PYGB: variants seen among roughly 807,000 people sequenced by gnomAD.
PYGB encodes the protein glycogen phosphorylase, brain form.
A neutral mutation model predicts 94.3 loss-of-function variants in PYGB; 82 were observed. That is an observed-to-expected ratio of 0.87 (90% CI 0.73 to 1.04). The LOEUF (loss-of-function observed/expected upper bound fraction) is 1.04. PYGB is among the 50% of genes least tolerant of loss of function. The pLI is 0.00. For missense variants in PYGB, 1,132 were observed against 1,158.2 expected (o/e 0.98, Z 0.33); for synonymous variants, 488 against 479.1 (o/e 1.02, Z -0.24).
Position 25,289,771 on chromosome 20 carries a change from A to C in PYGB, c.1828-710A>C, listed in dbSNP as rs2088449069. ...TTTCACAGTAAACTGCAGACACTCT[A>C]GCTCTTCACTCTTACATACGTCAGC... On this transcript the variant is annotated intron_variant, in intron 15 of 19. Transcript: ENST00000216962. 3 of 525,486 alleles carry C rather than the reference A, an allele frequency of 5.7e-6. No homozygotes were observed. In the African/African-American group the frequency reaches 5.8e-5, roughly 10 times the overall value. The allele number at this position is 525,486 out of a possible 1,614,324, so 32.6% of individuals were successfully genotyped here. A position where few individuals can be genotyped will look rare whatever the true frequency, so the allele number is the denominator to read the frequency against.
At chr20:25,273,398 C>T (rs550545550) in intron 4 of PYGB, among the ~76,000 whole-genome samples, 10 of 152,264 alleles carry the variant, frequency 6.6e-5, no homozygotes, top group Admixed American at 2.6e-4. Flanking sequence ...CGGAAGAGCA[C>T]AGCCCAGACA....
intron 15 of PYGB, among the ~76,000 whole-genome samples, chr20:25,289,160 T>C (rs1382688658): frequency 6.6e-6 from 1 of 152,078 alleles, no homozygotes; most frequent in Non-Finnish European, 1.5e-5. Flanking sequence ...CTTCAGCGAG[T>C]GGGAAGCTGG....
In PYGB at chr20:25,296,496, C is replaced by T. The variant is rs1442299541; in HGVS notation, c.2506C>T (p.Pro836Ser). The T allele has an allele frequency of 1.9e-6, 3 of 1,613,644 alleles. No homozygotes were observed. The highest frequency in any genetic ancestry group is 2.2e-5 in the South Asian group (2 of 91,060). The change falls in exon 20 of 20, where the codon CCG becomes TCG. Residue 836 changes from proline (P) to serine (S), a missense_variant. Pro to Ser is a moderately conservative substitution (Grantham distance 74, BLOSUM62 -1). Coordinates refer to ENST00000216962, the MANE Select transcript of PYGB (RefSeq NM_002862.4). ...WGVEPSDLQI[P>S]PPNIPRD ...TGTGGAGCCCTCCGACCTGCAGATCCCGCCCCCCAACATCCCCCGGGACTA... is the reference window on the plus strand; with the variant it reads ...TGTGGAGCCCTCCGACCTGCAGATCTCGCCCCCCAACATCCCCCGGGACTA...
chr20:25,281,691 A>G (rs1438930195), intron 11 of PYGB, among the ~76,000 whole-genome samples: 1 of 152,080 alleles, frequency 6.6e-6, no homozygotes, highest in Non-Finnish European at 1.5e-5. Flanking sequence ...GAGGAAACCG[A>G]GCGCAGCTTC....
At position 25,292,423 on chromosome 20, in the gene PYGB, C is replaced by G. The variant is rs199748264; in HGVS notation, c.1987C>G (p.Leu663Val). Reference protein sequence around the residue: ...LAEKVIPAADLSQQISTAGTE... With the variant: ...LAEKVIPAADVSQQISTAGTE... ...CTCCACAGTGATCCCGGCCGCTGAT[C>G]TGTCGCAGCAGATCTCCACTGCAGG... The change falls in exon 17 of 20, where the codon CTG becomes GTG. Residue 663 changes from leucine (L) to valine (V), a missense_variant. Physicochemically the swap from Leu to Val is conservative, Grantham distance 32 (BLOSUM62 1). Transcript: ENST00000216962. The G allele has an allele frequency of 1.2e-5, 20 of 1,613,090 alleles. No homozygotes were observed. Among genetic ancestry groups the G allele is most frequent in the South Asian group, 5.5e-5 (5 of 91,086 alleles).
chr20:25,274,740 G>T lies in PYGB; in HGVS notation c.660+17G>T, dbSNP rs377754783. 6.2e-7 allele frequency: 1 copy of T among 1,609,320 alleles called. No individual in the cohort carries two copies. The highest frequency in any genetic ancestry group is 8.5e-7 in the Non-Finnish European group (1 of 1,178,766). ...GACACACAGGTACCTGGGCTGAAAT[G>T]TCTGCGGGCAAGGCTGGAGCCAGGT... On this transcript the variant is annotated intron_variant, in intron 5 of 19. Transcript: ENST00000216962.
At chr20:25,290,920 C>T (rs944515926) in intron 16 of PYGB, among the ~76,000 whole-genome samples, 1 of 152,074 alleles carries the variant, frequency 6.6e-6, no homozygotes, top group African/African-American at 2.4e-5. Flanking sequence ...CCTGCCCTCT[C>T]CTCCTGCCCC....
intron 16 of PYGB, among the ~76,000 whole-genome samples, chr20:25,290,851 C>A (rs1475330110): frequency 1.3e-5 from 2 of 152,168 alleles, no homozygotes; most frequent in Admixed American, 1.3e-4. Flanking sequence ...CAGTGTCATC[C>A]CCCAACAGGG....
intron 2 of PYGB, among the ~76,000 whole-genome samples, chr20:25,261,459 C>CCACA (rs1221307475): frequency 2.3e-4 from 35 of 152,198 alleles, no homozygotes; most frequent in Admixed American, 9.8e-4. Context: ...GAAAGGACAT[C>CCACA]CACACCAAAA....
chr20:25,268,855 T>G (rs769710427), intron 2 of PYGB, among the ~76,000 whole-genome samples: 5 of 152,248 alleles, frequency 3.3e-5, no homozygotes, highest in Non-Finnish European at 7.3e-5. Context: ...AATTAGAGAA[T>G]GACAGAACCA....
chr20:25,248,319 C>G lies in PYGB; in HGVS notation c.141C>G (p.Ala47=), dbSNP rs938483158. The change falls in exon 1 of 20, where the codon GCC becomes GCG. Residue 47 remains alanine (A), a synonymous_variant. Coordinates refer to ENST00000216962, the MANE Select transcript of PYGB (RefSeq NM_002862.4). The part of the protein sequence containing the change: ...HFTLVKDRNV[A]TPRDYFFALA... ...CGCTGGTCAAGGACCGCAATGTGGC[C>G]ACGCCCCGCGACTACTTCTTCGCGC... 4 of 1,604,466 alleles carry G rather than the reference C, an allele frequency of 2.5e-6. No homozygotes were observed. The highest frequency in any genetic ancestry group is 2.3e-5 in the East Asian group (1 of 44,090).
intron 5 of PYGB, among the ~76,000 whole-genome samples, chr20:25,275,337 G>A (rs769720482): frequency 1.2e-4 from 18 of 152,370 alleles, no homozygotes; most frequent in East Asian, 1.9e-4. Context: ...CAGAGGCCAC[G>A]TGAGGGAGCA....
chr20:25,279,041 C>G lies in PYGB; in HGVS notation c.1000-16C>G, dbSNP rs201812084. Reference sequence around the variant, plus strand: ...GGGATGAAATGACTGAATGGCACCCCTTGTGCGACCTTCAGGTGGCCATCC... The same window carrying G: ...GGGATGAAATGACTGAATGGCACCCGTTGTGCGACCTTCAGGTGGCCATCC... On this transcript the variant is annotated splice_polypyrimidine_tract_variant and intron_variant, in intron 8 of 19. Coordinates refer to ENST00000216962, the MANE Select transcript of PYGB (RefSeq NM_002862.4). The G allele has an allele frequency of 1.0e-5, 16 of 1,604,666 alleles. No homozygotes were observed. Among genetic ancestry groups the G allele is most frequent in the African/African-American group, 2.7e-5 (2 of 74,770 alleles).
intron 2 of PYGB, among the ~76,000 whole-genome samples, chr20:25,260,362 T>C (rs561346815): frequency 4.6e-5 from 7 of 152,392 alleles, no homozygotes; most frequent in African/African-American, 1.7e-4. Context: ...TTCTTACATA[T>C]AGTAAAAATT....
rs201189561 is a variant in PYGB, at chr20:25,248,115, C to T, written c.-64C>T. 23 of 1,475,702 alleles carry T rather than the reference C, an allele frequency of 1.6e-5. No individual in the cohort carries two copies. Among genetic ancestry groups the T allele is most frequent in the African/African-American group, 6.3e-5 (4 of 63,538 alleles). The allele number at this position is 1,475,702 out of a possible 1,614,324, so 91.4% of individuals were successfully genotyped here. A position where few individuals can be genotyped will look rare whatever the true frequency, so the allele number is the denominator to read the frequency against. On this transcript the variant is annotated 5_prime_UTR_variant, in exon 1 of 20. Transcript: ENST00000216962. ...AGCGGCGCCAGAGCAGCTGCACCATCCCGGCGTTCGCGTGTGCCGCCGCTT... is the reference window on the plus strand; with the variant it reads ...AGCGGCGCCAGAGCAGCTGCACCATTCCGGCGTTCGCGTGTGCCGCCGCTT...
At chr20:25,282,600 T>C (rs556884105) in intron 12 of PYGB, among the ~76,000 whole-genome samples, 31 of 152,332 alleles carry the variant, frequency 2.0e-4, no homozygotes, top group African/African-American at 7.5e-4. Context: ...AGGGAAGCCT[T>C]CCCAGGAAAG....
chr20:25,275,119 C>G (rs1362081871), intron 5 of PYGB, among the ~76,000 whole-genome samples: 1 of 152,246 alleles, frequency 6.6e-6, no homozygotes, highest in East Asian at 1.9e-4. Context: ...CTCCCACTAT[C>G]TCTGTGGAGC....
At position 25,288,540 on chromosome 20, in the gene PYGB, G is replaced by A; in HGVS notation, c.1827+57G>A. 2 of 1,578,294 alleles carry A rather than the reference G, an allele frequency of 1.3e-6. No individual in the cohort carries two copies. The highest frequency in any genetic ancestry group is 2.2e-5 in the South Asian group (2 of 89,566). ...GTGTTTGGTCTGGGGATAGTGGGTG[G>A]GCAGCCTGCACGCTTCTCATGGTGC... On this transcript the variant is annotated intron_variant, in intron 15 of 19. Coordinates refer to ENST00000216962, the MANE Select transcript of PYGB (RefSeq NM_002862.4).
chr20:25,295,725 G>C, intron 19 of PYGB, 55 bp downstream of exon 19: 1 of 1,518,474 alleles, frequency 6.6e-7, no homozygotes, highest in Non-Finnish European at 9.1e-7. Context: ...CCATGTAGAC[G>C]TGTTGGGTCA....
Sources: allele counts gnomAD v4.1 joint callset (sites outside exome capture counted in the v4.1 genomes callset), GRCh38; gene constraint gnomAD v4.1.1; transcripts MANE v1.5; gene names NCBI Gene and HGNC (gene_info 2026-07-23, HGNC 2026-07-21).